The following ZDHHC21 variants were observed in gnomAD, a reference collection of about 807,000 sequenced individuals.
ZDHHC21 encodes zDHHC palmitoyltransferase 21.
A neutral mutation model predicts 34.6 loss-of-function variants in ZDHHC21; 15 were observed. The observed-to-expected ratio is 0.43, with a 90% CI of 0.29 to 0.67. ZDHHC21 has a LOEUF of 0.67. ZDHHC21 is among the 30% of genes least tolerant of loss of function. The pLI is 0.14. For synonymous variants in ZDHHC21, 142 were observed against 101.8 expected (o/e 1.40, Z -2.38); for missense variants, 344 against 327.7 (o/e 1.05, Z -0.38).
chr9:14,623,082 A>T (rs1228936735), intron 8 of ZDHHC21, among the ~76,000 whole-genome samples: 1 of 152,100 alleles, frequency 6.6e-6, no homozygotes, highest in African/African-American at 2.4e-5. Flanking sequence ...CTGGAAGAAA[A>T]CATAGAGGAA....
intron 8 of ZDHHC21, among the ~76,000 whole-genome samples, chr9:14,627,288 T>G (rs1269415542): frequency 6.6e-6 from 1 of 152,182 alleles, no homozygotes; most frequent in Admixed American, 6.5e-5. Context: ...GTAGCCAAGT[T>G]AAAACTGTCA....
chr9:14,642,750 T>A (rs1829591232), intron 7 of ZDHHC21, among the ~76,000 whole-genome samples: 2 of 152,248 alleles, frequency 1.3e-5, no homozygotes, highest in Non-Finnish European at 2.9e-5. Flanking sequence ...ATCTTGGAGT[T>A]GTAGCCTACA....
chr9:14,688,922 T>C (rs1053743438), intron 2 of ZDHHC21, among the ~76,000 whole-genome samples: 2 of 151,964 alleles, frequency 1.3e-5, no homozygotes, highest in African/African-American at 2.4e-5. Context: ...CACATGCCTG[T>C]AGTCCCAGCT....
At chr9:14,673,784 A>G (rs1036398203) in intron 4 of ZDHHC21, among the ~76,000 whole-genome samples, 1 of 152,082 alleles carries the variant, frequency 6.6e-6, no homozygotes, top group African/African-American at 2.4e-5. Context: ...GTGTTATCAT[A>G]ATCAACTTCG....
At chr9:14,628,783 G>A (rs1431701791) in intron 8 of ZDHHC21, among the ~76,000 whole-genome samples, 2 of 152,088 alleles carry the variant, frequency 1.3e-5, no homozygotes, top group African/African-American at 4.8e-5. Flanking sequence ...ATTTTATAAA[G>A]TAAGCATCAT....
rs940484652 is a variant in ZDHHC21 at position 14,615,793 on chromosome 9, G to C, written c.*3173C>G. 4.6e-5 allele frequency: 7 copies of C among 151,612 alleles called. No homozygotes were observed. The highest frequency in any genetic ancestry group is 1.9e-4 in the East Asian group (1 of 5,176). The allele number at this position is 151,612 out of a possible 1,614,324, so 9.4% of individuals were successfully genotyped here. On this transcript the variant is annotated 3_prime_UTR_variant, in exon 10 of 10. Coordinates refer to ENST00000380916, the MANE Select transcript of ZDHHC21 (RefSeq NM_178566.6). ...TCTAGGTAAAAACCTTTCATTTCCA[G>C]AAGGTCGACAAATGACTTTACTGAT...
At chr9:14,671,705 T>C (rs528279436) in intron 5 of ZDHHC21, among the ~76,000 whole-genome samples, 14 of 152,216 alleles carry the variant, frequency 9.2e-5, no homozygotes, top group African/African-American at 2.6e-4. Flanking sequence ...AAAAACTCGA[T>C]TAAAATGTTC....
chr9:14,682,352 C>T (rs1253793195), intron 2 of ZDHHC21, among the ~76,000 whole-genome samples: 1 of 152,038 alleles, frequency 6.6e-6, no homozygotes, highest in South Asian at 2.1e-4. Context: ...GAAGATCTAC[C>T]AAGCAAATGG....
At chr9:14,657,253 T>C (rs563130973) in intron 7 of ZDHHC21, among the ~76,000 whole-genome samples, 44 of 152,106 alleles carry the variant, frequency 2.9e-4, no homozygotes, top group Middle Eastern at 3.4e-3. Flanking sequence ...CAAAGAAAAA[T>C]TGTTTCCTCC....
the ZDHHC21 span, among the ~76,000 whole-genome samples, chr9:14,603,232 G>A: frequency 1.3e-5 from 2 of 151,918 alleles, no homozygotes; most frequent in Admixed American, 6.6e-5. Context: ...ATGGAAGACA[G>A]AAAATAATGT....
In ZDHHC21 at chr9:14,682,625, C is replaced by G. The variant is rs117707638; in HGVS notation, c.-175-2463G>C. Among the ~76,000 whole-genome samples, 1,144 of 151,902 alleles carry G rather than the reference C, an allele frequency of 7.5e-3. 3 individuals carry two copies. The highest frequency in any genetic ancestry group is 0.013 in the Non-Finnish European group (875 of 67,830). On this transcript the variant is annotated intron_variant, in intron 2 of 9. Transcript: ENST00000380916. ...TAGCACTCTACTGTCAACATTAGAT[C>G]AACGAGACAGGAAGTTAACAAGGAT...
intron 3 of ZDHHC21, among the ~76,000 whole-genome samples, chr9:14,679,697 C>G (rs913779898): frequency 2.0e-5 from 3 of 151,992 alleles, no homozygotes; most frequent in Non-Finnish European, 4.4e-5. Flanking sequence ...TAATTTAGGC[C>G]TCTTTGTCAC....
At chr9:14,599,732 T>A in the ZDHHC21 span, among the ~76,000 whole-genome samples, 6 of 151,986 alleles carry the variant, frequency 3.9e-5, no homozygotes, top group Non-Finnish European at 7.4e-5. Context: ...AGCACAGCAG[T>A]CTGAAGTCAA....
chr9:14,602,614 A>C, the ZDHHC21 span, among the ~76,000 whole-genome samples: 1 of 152,194 alleles, frequency 6.6e-6, no homozygotes, highest in South Asian at 2.1e-4. Context: ...GTCACATATA[A>C]GGAAATCCCC....
chr9:14,651,093 A>AT (rs1002627421), intron 7 of ZDHHC21, among the ~76,000 whole-genome samples: 2 of 151,862 alleles, frequency 1.3e-5, no homozygotes, highest in Non-Finnish European at 2.9e-5. Context: ...AAAACCTTGT[A>AT]TTTTCTCATG....
intron 7 of ZDHHC21, among the ~76,000 whole-genome samples, chr9:14,646,627 G>C (rs769486178): frequency 2.0e-5 from 3 of 152,018 alleles, no homozygotes; most frequent in Non-Finnish European, 4.4e-5. Context: ...CTCAGACATA[G>C]CTAGCGAACT....
the ZDHHC21 span, among the ~76,000 whole-genome samples, chr9:14,601,403 C>A: frequency 6.6e-6 from 1 of 152,148 alleles, no homozygotes; most frequent in South Asian, 2.1e-4. Context: ...AAAAGGTCAT[C>A]ATCACTGGTC....
intron 7 of ZDHHC21, among the ~76,000 whole-genome samples, chr9:14,648,547 A>G (rs951006232): frequency 6.6e-6 from 1 of 152,082 alleles, no homozygotes; most frequent in East Asian, 1.9e-4. Context: ...CTTGAGTTCC[A>G]GGTCTCTGTT....
chr9:14,683,820 G>T (rs1377778592), intron 2 of ZDHHC21: 1 of 152,106 alleles, frequency 6.6e-6, no homozygotes, highest in Non-Finnish European at 1.5e-5. Context: ...CTGGCAAACC[G>T]AATCCAGCAG....
Sources: allele counts gnomAD v4.1 joint callset (sites outside exome capture counted in the v4.1 genomes callset), GRCh38; gene constraint gnomAD v4.1.1; transcripts MANE v1.5; gene names NCBI Gene and HGNC (gene_info 2026-07-23, HGNC 2026-07-21).